Variants in GLI3 observed in about 807,000 individuals in gnomAD.
GLI3 encodes the protein transcription activator GLI3.
GLI3 carries 20 observed loss-of-function variants against 100.8 expected under a neutral mutation model. The observed-to-expected ratio is 0.20, with a 90% confidence interval of 0.14 to 0.29. GLI3 has a LOEUF of 0.29. Ranked by LOEUF, GLI3 falls within the 10% of genes least tolerant of loss-of-function variation. The pLI is 1.00. For synonymous variants in GLI3, 938 were observed against 860.5 expected (o/e 1.09, Z -1.58); for missense variants, 2,040 against 2,128.5 (o/e 0.96, Z 0.82).
chr7:42,060,494 C>A (rs1436983514), intron 4 of GLI3, among the ~76,000 whole-genome samples: 1 of 152,072 alleles, frequency 6.6e-6, no homozygotes, highest in Admixed American at 6.5e-5. Context: ...AGTTCAGCAA[C>A]TTCATTGCCA....
At chr7:41,986,033 T>C (rs933858825) in intron 10 of GLI3, among the ~76,000 whole-genome samples, 86 of 152,200 alleles carry the variant, frequency 5.7e-4, no homozygotes, top group African/African-American at 2.0e-3. Context: ...AATATAAATA[T>C]CAAGGCATCT....
At chr7:42,169,289 T>G (rs1741219368) in intron 2 of GLI3, among the ~76,000 whole-genome samples, 1 of 152,194 alleles carries the variant, frequency 6.6e-6, no homozygotes, top group Admixed American at 6.5e-5. Flanking sequence ...AACAAAATGT[T>G]ACTCTGTATC....
chr7:42,152,283 A>T, intron 2 of GLI3: 1 of 467,932 alleles, frequency 2.1e-6, no homozygotes, highest in Non-Finnish European at 2.8e-6. Context: ...AACCCATTTT[A>T]ATACCCACTA....
upstream of GLI3, among the ~76,000 whole-genome samples, chr7:42,237,218 G>T (rs1420381764): frequency 4.0e-5 from 6 of 150,742 alleles, no homozygotes; most frequent in Non-Finnish European, 7.4e-5. Context: ...GTGCGAGCGC[G>T]CCGGTGGCGC....
In GLI3 at chr7:42,218,666, A is replaced by G. The variant is rs189836638; in HGVS notation, c.124+4464T>C. On this transcript the variant is annotated intron_variant, in intron 2 of 14. Coordinates refer to ENST00000395925, the MANE Select transcript of GLI3 (RefSeq NM_000168.6). Reference sequence around the variant, plus strand: ...AGAACCAAATTCTTGTTTTTGAAAGAATCAAAGTGAACAGGGAACTTCCTT... The same window carrying G: ...AGAACCAAATTCTTGTTTTTGAAAGGATCAAAGTGAACAGGGAACTTCCTT... 2.0e-3 allele frequency among the ~76,000 whole-genome samples: 297 copies of G among 152,264 alleles called. 1 individual carries two copies. Among genetic ancestry groups the G allele is most frequent in the African/African-American group, 6.7e-3 (279 of 41,570 alleles).
At chr7:42,192,005 A>G (rs942306068) in intron 2 of GLI3, among the ~76,000 whole-genome samples, 3 of 151,250 alleles carry the variant, frequency 2.0e-5, no homozygotes, top group Non-Finnish European at 4.4e-5. Context: ...GACCCATGCA[A>G]AAACATGAAA....
chr7:42,064,752 G>A (rs553630738), intron 4 of GLI3, among the ~76,000 whole-genome samples: 13 of 152,276 alleles, frequency 8.5e-5, no homozygotes, highest in East Asian at 1.9e-4. Flanking sequence ...TGTTTGCAGA[G>A]CCCACTCCAA....
chr7:42,164,568 C>T (rs896428585), intron 2 of GLI3, among the ~76,000 whole-genome samples: 8 of 151,982 alleles, frequency 5.3e-5, no homozygotes, highest in South Asian at 2.1e-4. Context: ...CGGTGGCTCA[C>T]GCCTGTAATC....
intron 2 of GLI3, among the ~76,000 whole-genome samples, chr7:42,155,799 G>C (rs928858188): frequency 9.9e-5 from 15 of 152,142 alleles, no homozygotes; most frequent in African/African-American, 2.7e-4. Context: ...AGCTTTGATG[G>C]CATGCAGAGC....
At chr7:42,196,828 A>T (rs938673836) in intron 2 of GLI3, among the ~76,000 whole-genome samples, 13 of 152,254 alleles carry the variant, frequency 8.5e-5, no homozygotes, top group African/African-American at 3.1e-4. Flanking sequence ...AGGATAAAAG[A>T]AGAAAAGGAA....
At chr7:42,229,819 T>A (rs1278719596) in intron 1 of GLI3, among the ~76,000 whole-genome samples, 1 of 152,168 alleles carries the variant, frequency 6.6e-6, no homozygotes, top group African/African-American at 2.4e-5. Flanking sequence ...TGATTTGAAC[T>A]TTTTGATCAA....
intron 2 of GLI3, among the ~76,000 whole-genome samples, chr7:42,167,005 C>T (rs114254988): frequency 0.058 from 8,775 of 151,926 alleles, 255 homozygotes; most frequent in Admixed American, 0.11. Context: ...TTTGTAATTT[C>T]TAGTAGAGAC....
rs562386931 is a variant in GLI3 at position 42,047,694 on chromosome 7, C to A, written c.679+797G>T. ...AGTCATGTGGAAAGTAATGGGGGGA[C>A]TAACAGAACCAACAGGAATTCGATC... is the stretch of plus-strand genomic sequence containing the variant. On this transcript the variant is annotated intron_variant, in intron 5 of 14. Transcript: ENST00000395925. Among the ~76,000 whole-genome samples, 7 of 152,302 alleles carry A rather than the reference C, an allele frequency of 4.6e-5. No homozygotes were observed. The South Asian group carries it at 1.2e-3, about 27-fold the overall frequency.
chr7:42,065,955 C>A (rs1784665647), intron 4 of GLI3, among the ~76,000 whole-genome samples: 1 of 152,196 alleles, frequency 6.6e-6, no homozygotes, highest in African/African-American at 2.4e-5. Flanking sequence ...GTCTTTAGGT[C>A]TCCACGTTAG....
intron 13 of GLI3, among the ~76,000 whole-genome samples, chr7:41,970,359 G>A (rs1375689353): frequency 2.0e-5 from 3 of 152,280 alleles, no homozygotes; most frequent in South Asian, 4.2e-4. Flanking sequence ...ACTTTTAAAT[G>A]TGTGTGAGCA....
chr7:42,258,115 A>G (rs567145191), intron 1 of GLI3, among the ~76,000 whole-genome samples: 47 of 152,234 alleles, frequency 3.1e-4, no homozygotes, highest in Non-Finnish European at 5.6e-4. Flanking sequence ...TAATGTGATT[A>G]ATGTGCGTCT....
chr7:42,155,062 C>G (rs1040029191), intron 2 of GLI3, among the ~76,000 whole-genome samples: 1 of 152,220 alleles, frequency 6.6e-6, no homozygotes, highest in African/African-American at 2.4e-5. Flanking sequence ...AGTGACAACT[C>G]TCCCTCAAAG....
At chr7:42,251,433 C>T (rs542706086) in intron 1 of GLI3, among the ~76,000 whole-genome samples, 13 of 152,292 alleles carry the variant, frequency 8.5e-5, no homozygotes, top group Admixed American at 5.2e-4. Flanking sequence ...CTCTAATGCT[C>T]GCTTGCCGCT....
intron 4 of GLI3, among the ~76,000 whole-genome samples, chr7:42,070,269 T>G (rs1784758998): frequency 6.6e-6 from 1 of 152,204 alleles, no homozygotes; most frequent in East Asian, 1.9e-4. Flanking sequence ...GTACATTAGG[T>G]CAAAAGGCCT....
Sources: gnomAD v4.1 joint callset for allele counts (sites outside exome capture counted in the v4.1 genomes callset) on GRCh38, gnomAD v4.1.1 for gene constraint, MANE v1.5 for transcripts, NCBI Gene and HGNC (gene_info 2026-07-23, HGNC 2026-07-21) for gene names.